HYDIN: variants seen among roughly 807,000 people sequenced by gnomAD.
The protein encoded by HYDIN is axonemal central pair apparatus protein HYDIN.
HYDIN carries 132 observed loss-of-function variants against 403.9 expected under a neutral mutation model. That is an observed-to-expected ratio of 0.33 (90% confidence interval 0.28 to 0.38). The LOEUF (loss-of-function observed/expected upper bound fraction) is 0.38, where lower values mean the gene tolerates loss of function less well. HYDIN is among the 10% of genes least tolerant of loss of function. The pLI, the probability that HYDIN is intolerant of heterozygous loss-of-function variation, is 1.00. For missense variants in HYDIN, 2,827 were observed against 5,009.5 expected (o/e 0.56, Z 13.15); for synonymous variants, 1,202 against 1,891.7 (o/e 0.64, Z 9.46).
intron 10 of HYDIN, among the ~76,000 whole-genome samples, chr16:71,102,371 T>C (rs1215181946): frequency 6.6e-6 from 1 of 152,090 alleles, no homozygotes; most frequent in East Asian, 1.9e-4. Flanking sequence ...AACACAAAAC[T>C]TGCTGAAATG....
At chr16:71,197,640 C>T (rs2087767144) in intron 1 of HYDIN, among the ~76,000 whole-genome samples, 1 of 152,222 alleles carries the variant, frequency 6.6e-6, no homozygotes, top group Non-Finnish European at 1.5e-5. Flanking sequence ...AAACAGAGCA[C>T]TGCCAACACC....
rs2082999197 is a variant in HYDIN, at chr16:71,088,441, GA to G, written c.1529del (p.Phe510SerfsTer43). The G allele has an allele frequency of 3.5e-6, 2 of 573,108 alleles. No homozygotes were observed. The highest frequency in any genetic ancestry group is 3.1e-6 in the Non-Finnish European group (1 of 319,946). 35.5% of individuals were successfully genotyped at this position (573,108 alleles called of 1,614,324 possible). A position where few individuals can be genotyped will look rare whatever the true frequency, so the allele number is the denominator to read the frequency against. Reference sequence around the variant, plus strand: ...GTTCAATGATGCCTTCCTTGGGACTGAAAACAAAGCAGGCCCCCAAAGCTGA... The same window carrying G: ...GTTCAATGATGCCTTCCTTGGGACTGAAACAAAGCAGGCCCCCAAAGCTGA... ...PTSALGACFV[F>X]SPKEGIIEPS... is the part of the protein sequence containing the mutation. On this transcript the variant is annotated frameshift_variant, in exon 12 of 86. Coordinates refer to ENST00000393567, the MANE Select transcript of HYDIN (RefSeq NM_001270974.2). LOFTEE classifies it high-confidence loss of function.
intron 13 of HYDIN, among the ~76,000 whole-genome samples, chr16:71,069,861 T>G (rs1372329644): frequency 6.6e-6 from 1 of 152,252 alleles, no homozygotes; most frequent in African/African-American, 2.4e-5. Context: ...AAGTATATTT[T>G]GCATTTATTT....
At chr16:70,964,703 G>T in intron 37 of HYDIN, 25 bp downstream of exon 37, 3 of 1,612,228 alleles carry the variant, frequency 1.9e-6, no homozygotes, top group Non-Finnish European at 2.5e-6. Context: ...GTTAGCATGA[G>T]GTGTTCTCCA....
intron 1 of HYDIN, among the ~76,000 whole-genome samples, chr16:71,201,014 C>A (rs1437539957): frequency 6.6e-6 from 1 of 152,142 alleles, no homozygotes; most frequent in Non-Finnish European, 1.5e-5. Flanking sequence ...GTTCCCTTGT[C>A]CATGCTTAGA....
At chr16:70,819,956 C>T (rs1432493305) in intron 83 of HYDIN, among the ~76,000 whole-genome samples, 5 of 148,786 alleles carry the variant, frequency 3.4e-5, no homozygotes, top group East Asian at 4.0e-4. Context: ...TACAGGCGTC[C>T]GCCATCACGC....
rs1322267446 is a variant in HYDIN, at chr16:71,000,514, T to C, written c.3645-8304A>G. On this transcript the variant is annotated intron_variant, in intron 23 of 85. Coordinates refer to ENST00000393567, the MANE Select transcript of HYDIN (RefSeq NM_001270974.2). ...GACTGTATGGGCCCTAACATGGAGA[T>C]AGCTTCAAATAGAAGTAGACTGTAT... is the stretch of plus-strand genomic sequence containing the variant. Among the ~76,000 whole-genome samples, 3 of 150,400 alleles carry C rather than the reference T, an allele frequency of 2.0e-5. No homozygotes were observed. In the South Asian group the frequency reaches 6.4e-4, roughly 32 times the overall value.
Position 70,887,913 on chromosome 16 carries a change from G to A in HYDIN, c.9774+1674C>T, listed in dbSNP as rs147694495. ...TTATCCAGGATGGTCTCGATCCCCT[G>A]ACCTCGTGATCCGCTTGCCTCGGCC... On this transcript the variant is annotated intron_variant, in intron 58 of 85. Transcript: ENST00000393567. Among the ~76,000 whole-genome samples the A allele has an allele frequency of 9.5e-3, 1,445 of 152,166 alleles. 27 individuals carry two copies. The highest frequency in any genetic ancestry group is 0.033 in the African/African-American group (1,349 of 41,504).
At chr16:71,027,931 C>G in intron 19 of HYDIN, 56 bp from the exon 20 acceptor site, 1 of 498,646 alleles carries the variant, frequency 2.0e-6, no homozygotes, top group Middle Eastern at 5.0e-4. Context: ...TTCTGTTCAG[C>G]TCTACACCCT....
At chr16:71,116,174 C>T (rs549665307) in intron 9 of HYDIN, among the ~76,000 whole-genome samples, 4 of 151,810 alleles carry the variant, frequency 2.6e-5, no homozygotes, top group Non-Finnish European at 5.9e-5. Context: ...CCCAATCCCA[C>T]CCTCTGATGC....
intron 1 of HYDIN, among the ~76,000 whole-genome samples, chr16:71,206,117 A>C (rs1392893347): frequency 6.6e-6 from 1 of 152,176 alleles, no homozygotes; most frequent in Non-Finnish European, 1.5e-5. Flanking sequence ...CACCCACTAG[A>C]GTTTCCAACT....
chr16:70,933,288 G>C lies in HYDIN; in HGVS notation c.7158+2664C>G, dbSNP rs138855737. Among the ~76,000 whole-genome samples the C allele has an allele frequency of 1.3e-4, 20 of 152,094 alleles. No individual in the cohort carries two copies. The East Asian group carries it at 3.9e-3, about 29-fold the overall frequency. ...TGAAGGTGCAGAAGTGACAGGGTCAGGGTGACTCTGGGATTTGGGCCTGGG... is the reference window on the plus strand; with the variant it reads ...TGAAGGTGCAGAAGTGACAGGGTCACGGTGACTCTGGGATTTGGGCCTGGG... On this transcript the variant is annotated intron_variant, in intron 45 of 85. Transcript: ENST00000393567.
At chr16:70,945,492 GA>G (rs966487182) in intron 41 of HYDIN, among the ~76,000 whole-genome samples, 3 of 152,302 alleles carry the variant, frequency 2.0e-5, no homozygotes, top group African/African-American at 7.2e-5. Flanking sequence ...ATAGAATTTC[GA>G]GAGTCATAAG....
intron 65 of HYDIN, among the ~76,000 whole-genome samples, chr16:70,871,764 C>G (rs989035249): frequency 9.6e-5 from 12 of 125,194 alleles, no homozygotes; most frequent in Non-Finnish European, 1.8e-4. Flanking sequence ...AGACTAGGAC[C>G]TGTATTCATC....
At position 71,230,650 on chromosome 16, in the gene HYDIN, G is replaced by T. The variant is rs1342929004; in HGVS notation, c.-112C>A. 1 of 1,535,972 alleles carries T rather than the reference G, an allele frequency of 6.5e-7. No individual in the cohort carries two copies. The highest frequency in any genetic ancestry group is 1.7e-4 in the Middle Eastern group (1 of 5,990). On this transcript the variant is annotated 5_prime_UTR_variant, in exon 1 of 86. Coordinates refer to ENST00000393567, the MANE Select transcript of HYDIN (RefSeq NM_001270974.2). ...CTCACAGACCCCGCCGCCGCTGAGG[G>T]GCTCCATACCCAGCTTGAAGCCGCC...
intron 24 of HYDIN, among the ~76,000 whole-genome samples, 167 bp from the exon 25 acceptor site, chr16:70,991,563 C>T (rs1039494502): frequency 2.0e-5 from 3 of 151,828 alleles, no homozygotes; most frequent in African/African-American, 7.3e-5. Context: ...CTGGTCAGGG[C>T]CCTGTTGCCC....
chr16:71,203,367 T>C (rs527809948), intron 1 of HYDIN, among the ~76,000 whole-genome samples: 1 of 152,314 alleles, frequency 6.6e-6, no homozygotes, highest in South Asian at 2.1e-4. Flanking sequence ...GCATTCTCTA[T>C]GACAATTACT....
At chr16:71,224,813 G>A (rs1211560192) in intron 1 of HYDIN, among the ~76,000 whole-genome samples, 2 of 151,842 alleles carry the variant, frequency 1.3e-5, no homozygotes, top group Non-Finnish European at 2.9e-5. Flanking sequence ...CGCCCGCCTC[G>A]GCCTCCCAAA....
In HYDIN at chr16:71,062,421, G is replaced by A. The variant is rs7189147; in HGVS notation, c.2212-88C>T. ...TATTTTGAAGTGTTTTCCTGAGTCC[G>A]TAGAGGTGTTTTAGAAATGTCTTAT... On this transcript the variant is annotated intron_variant, in intron 16 of 85. Transcript: ENST00000393567. The A allele has an allele frequency of 1.4e-5, 15 of 1,099,520 alleles. No homozygotes were observed. In the African/African-American group the frequency reaches 1.6e-4, roughly 12 times the overall value. 68.1% of individuals were successfully genotyped at this position (1,099,520 alleles called of 1,614,324 possible).
Sources: allele counts gnomAD v4.1 joint callset (sites outside exome capture counted in the v4.1 genomes callset), GRCh38; gene constraint gnomAD v4.1.1; transcripts MANE v1.5; gene names NCBI Gene and HGNC (gene_info 2026-07-23, HGNC 2026-07-21).